PDCD2L: variants seen among roughly 807,000 people sequenced by gnomAD.
PDCD2L encodes uS5 assembly chaperone PDCD2L.
In PDCD2L, 44 loss-of-function variants were observed where a neutral mutation model predicts 40.4. The observed-to-expected ratio is 1.09, with a 90% CI of 0.86 to 1.40. The LOEUF is 1.40. PDCD2L is among the 40% of genes most tolerant of loss of function. The pLI is 0.00. For missense variants in PDCD2L, 470 were observed against 453.7 expected, an observed-to-expected ratio of 1.04 and a Z score of -0.33; for synonymous variants, 194 against 174.6, an observed-to-expected ratio of 1.11 and a Z score of -0.88.
rs1243351580 is a variant in PDCD2L, at chr19:34,418,124, T to C, written c.798-3395T>C. ...CTGTTTACATTTATTTTTCAGCAGC[T>C]TTATTGAGATACAATTGACATACAA... On this transcript the variant is annotated intron_variant, in intron 5 of 6. Transcript: ENST00000246535. Among the ~76,000 whole-genome samples, 3 of 152,248 alleles carry C rather than the reference T, an allele frequency of 2.0e-5. No individual in the cohort carries two copies. The East Asian group carries it at 5.8e-4, about 29-fold the overall frequency.
chr19:34,405,069 A>G, intron 3 of PDCD2L, 79 bp downstream of exon 3: 13 of 1,511,438 alleles, frequency 8.6e-6, no homozygotes, highest in Middle Eastern at 1.9e-4. Flanking sequence ...GGCAGACTTT[A>G]AAGCCGTGTT....
At chr19:34,419,605 G>C (rs2075140212) in intron 5 of PDCD2L, among the ~76,000 whole-genome samples, 1 of 151,118 alleles carries the variant, frequency 6.6e-6, no homozygotes, top group African/African-American at 2.4e-5. Flanking sequence ...GCTTCTCAAA[G>C]TGCTAGGGTT....
chr19:34,405,093 T>C (rs968700501), intron 3 of PDCD2L, 103 bp downstream of exon 3: 2 of 1,182,560 alleles, frequency 1.7e-6, no homozygotes, highest in Non-Finnish European at 2.4e-6. Flanking sequence ...TGAAGTACAC[T>C]GGAGTGTTTT....
intron 4 of PDCD2L, among the ~76,000 whole-genome samples, chr19:34,413,220 A>G (rs1433152227): frequency 1.4e-5 from 2 of 145,478 alleles, no homozygotes; most frequent in African/African-American, 5.1e-5. Context: ...TTGTACTTTT[A>G]TTAGAGATGG....
chr19:34,404,756 CCGTCTGCTGCA>C lies in PDCD2L; in HGVS notation c.220_230del (p.Leu74ValfsTer9). The stretch of plus-strand genomic sequence containing the variant: ...GCCCGCTGGAAGGCTCCCCGTTTCA[CCGTCTGCTGCA>C]CGTGTTCGCGTGCGCCTGCCCCGGC... On this transcript the variant is annotated frameshift_variant, in exon 2 of 7. Coordinates refer to ENST00000246535, the MANE Select transcript of PDCD2L (RefSeq NM_032346.2). LOFTEE classifies it high-confidence loss of function. The C allele has an allele frequency of 2.5e-6, 4 of 1,611,310 alleles. No homozygotes were observed. The highest frequency in any genetic ancestry group is 3.4e-6 in the Non-Finnish European group (4 of 1,179,554).
intron 3 of PDCD2L, among the ~76,000 whole-genome samples, chr19:34,408,224 T>G (rs751745543): frequency 4.6e-5 from 7 of 152,194 alleles, no homozygotes; most frequent in African/African-American, 1.7e-4. Flanking sequence ...CAGTTCTTGA[T>G]GTTTGCTAGG....
At chr19:34,418,745 A>G (rs1387882094) in intron 5 of PDCD2L, among the ~76,000 whole-genome samples, 1 of 152,198 alleles carries the variant, frequency 6.6e-6, no homozygotes, top group Non-Finnish European at 1.5e-5. Context: ...AGCAGTTTTT[A>G]AGAATTCTAC....
chr19:34,416,187 C>T (rs1021142088), intron 5 of PDCD2L, among the ~76,000 whole-genome samples: 11 of 152,160 alleles, frequency 7.2e-5, no homozygotes, highest in Non-Finnish European at 1.6e-4. Context: ...TCTGAAAGTG[C>T]TGGGATGGCA....
intron 5 of PDCD2L, among the ~76,000 whole-genome samples, chr19:34,414,778 G>A (rs992572293): frequency 4.6e-5 from 7 of 152,010 alleles, no homozygotes; most frequent in African/African-American, 1.7e-4. Context: ...ACAGGCATGA[G>A]CCACTGTGCC....
chr19:34,405,882 G>T (rs1568357010), intron 3 of PDCD2L, among the ~76,000 whole-genome samples: 1 of 151,974 alleles, frequency 6.6e-6, no homozygotes, highest in Non-Finnish European at 1.5e-5. Flanking sequence ...CTCCAGCGTG[G>T]GTGACAGACT....
intron 5 of PDCD2L, among the ~76,000 whole-genome samples, chr19:34,414,520 CTG>C (rs2075118732): frequency 9.4e-6 from 1 of 106,946 alleles, no homozygotes; most frequent in Non-Finnish European, 1.7e-5. Flanking sequence ...GGGTCTTGCT[CTG>C]TTGCTCAGGC....
At chr19:34,410,284 T>A (rs900910968) in intron 4 of PDCD2L, among the ~76,000 whole-genome samples, 2 of 152,166 alleles carry the variant, frequency 1.3e-5, no homozygotes, top group Non-Finnish European at 2.9e-5. Flanking sequence ...TGAGTTTCGC[T>A]GTTGTTACCC....
chr19:34,410,762 TTTTATTTA>T (rs1555724388), intron 4 of PDCD2L, among the ~76,000 whole-genome samples: 6 of 146,248 alleles, frequency 4.1e-5, no homozygotes, highest in Non-Finnish European at 6.0e-5. Context: ...ACTTTTTATT[TTTTATTTA>T]TTTATTTATT....
rs1189849377 is a variant in PDCD2L at position 34,404,717 on chromosome 19, C to A, written c.177C>A (p.Val59=). Reference sequence around the variant, plus strand: ...GCTGCGGGCAGCCGCTCGCTCTGGTCGTGCAGGTGTATTGCCCGCTGGAAG... The same window carrying A: ...GCTGCGGGCAGCCGCTCGCTCTGGTAGTGCAGGTGTATTGCCCGCTGGAAG... ...CQRCGQPLAL[V]VQVYCPLEGS... Residue 59 remains valine, a synonymous_variant, in exon 2 of 7, where the codon GTC becomes GTA. Transcript: ENST00000246535. The A allele has an allele frequency of 1.9e-6, 3 of 1,612,362 alleles. No individual in the cohort carries two copies. Among genetic ancestry groups the A allele is most frequent in the East Asian group, 4.5e-5 (2 of 44,870 alleles).
rs775637690 is a variant in PDCD2L, at chr19:34,404,754, C to T, written c.214C>T (p.His72Tyr). Reference protein sequence around the residue: ...VYCPLEGSPFHRLLHVFACAC... With the variant: ...VYCPLEGSPFYRLLHVFACAC... ...TTGCCCGCTGGAAGGCTCCCCGTTTCACCGTCTGCTGCACGTGTTCGCGTG... is the reference window on the plus strand; with the variant it reads ...TTGCCCGCTGGAAGGCTCCCCGTTTTACCGTCTGCTGCACGTGTTCGCGTG... The change falls in exon 2 of 7, where the codon CAC (histidine) becomes TAC (tyrosine). Residue 72 changes from histidine (H) to tyrosine (Y), a missense_variant. Physicochemically the swap from His to Tyr is moderately conservative, Grantham distance 83. Coordinates refer to ENST00000246535, the MANE Select transcript of PDCD2L (RefSeq NM_032346.2). 27 of 1,611,474 alleles carry T rather than the reference C, an allele frequency of 1.7e-5. No homozygotes were observed. Among genetic ancestry groups the T allele is most frequent in the Non-Finnish European group, 2.3e-5 (27 of 1,179,642 alleles).
At chr19:34,410,853 C>T (rs1025206947) in intron 4 of PDCD2L, among the ~76,000 whole-genome samples, 10 of 150,396 alleles carry the variant, frequency 6.6e-5, no homozygotes, top group African/African-American at 1.2e-4. Context: ...GGTGCGATCT[C>T]GGCTCACTGC....
Position 34,409,382 on chromosome 19 carries a change from G to T in PDCD2L, c.558G>T (p.Leu186=). The T allele has an allele frequency of 6.2e-7, 1 of 1,614,172 alleles. No homozygotes were observed. The highest frequency in any genetic ancestry group is 8.5e-7 in the Non-Finnish European group (1 of 1,180,024). ...HPVPPGLPLF[L]PYYICVADED... ...TGCCTCCTGGGCTGCCGCTCTTCCT[G>T]CCCTACTACATCTGTGTTGCAGATG... The change falls in exon 4 of 7, where the codon CTG becomes CTT. Residue 186 remains leucine (L), a synonymous_variant. Transcript: ENST00000246535.
chr19:34,419,160 T>G (rs1433008269), intron 5 of PDCD2L, among the ~76,000 whole-genome samples: 1 of 152,062 alleles, frequency 6.6e-6, no homozygotes, highest in Non-Finnish European at 1.5e-5. Flanking sequence ...TTGTTTTTTG[T>G]TTTTTGTTTT....
intron 3 of PDCD2L, among the ~76,000 whole-genome samples, chr19:34,406,826 C>CTTTTTTT (rs35175132): frequency 9.8e-6 from 1 of 102,242 alleles, no homozygotes; most frequent in Non-Finnish European, 1.9e-5. Context: ...TTCTTTCTTC[C>CTTTTTTT]TTTTTTTTTT....
Sources: gnomAD v4.1 joint callset for allele counts (sites outside exome capture counted in the v4.1 genomes callset) on GRCh38, gnomAD v4.1.1 for gene constraint, MANE v1.5 for transcripts, NCBI Gene and HGNC (gene_info 2026-07-23, HGNC 2026-07-21) for gene names.